The following ZNF366 variants were observed in gnomAD, a reference collection of about 807,000 sequenced individuals.
The protein encoded by ZNF366 is dendritic cell-specific transcript protein.
In ZNF366, 20 loss-of-function variants were observed where a neutral mutation model predicts 47.2. The observed-to-expected ratio is 0.42, with a 90% CI of 0.30 to 0.62. The LOEUF (loss-of-function observed/expected upper bound fraction) is 0.62. Among genes scored for constraint, ZNF366 ranks in the 20% least tolerant of loss-of-function variants. The pLI is 0.16. For synonymous variants in ZNF366, 421 were observed against 395.1 expected, an observed-to-expected ratio of 1.07 and a Z score of -0.78; for missense variants, 987 against 976.3, an observed-to-expected ratio of 1.01 and a Z score of -0.15.
intron 1 of ZNF366, among the ~76,000 whole-genome samples, chr5:72,468,383 C>A (rs1743477162): frequency 6.6e-6 from 1 of 152,136 alleles, no homozygotes; most frequent in Admixed American, 6.5e-5. Context: ...AATCTGTCAG[C>A]CCATGATGTG....
chr5:72,483,602 C>T (rs1252777326), intron 1 of ZNF366, among the ~76,000 whole-genome samples: 1 of 152,196 alleles, frequency 6.6e-6, no homozygotes, highest in Admixed American at 6.5e-5. Context: ...AGTGATATAT[C>T]GCCATGCTCC....
At chr5:72,479,925 T>G (rs2112343012) in intron 1 of ZNF366, among the ~76,000 whole-genome samples, 1 of 152,310 alleles carries the variant, frequency 6.6e-6, no homozygotes, top group Non-Finnish European at 1.5e-5. Context: ...AACCAAGACT[T>G]CAGCCTGAGA....
rs1392665869 is a variant in ZNF366 at position 72,439,992 on chromosome 5, C to G, written c.*3764G>C. The G allele has an allele frequency of 6.6e-6, 1 of 152,188 alleles. No homozygotes were observed. 9.4% of individuals were successfully genotyped at this position (152,188 alleles called of 1,614,324 possible). ...ACTGCTTTTTCAGTGAAGCAGAAAG[C>G]AATATTCACAACTTGGGCTGCTATA... On this transcript the variant is annotated 3_prime_UTR_variant, in exon 5 of 5. Coordinates refer to ENST00000318442, the MANE Select transcript of ZNF366 (RefSeq NM_152625.3).
At chr5:72,464,821 G>A (rs1258641211) in intron 1 of ZNF366, among the ~76,000 whole-genome samples, 1 of 152,200 alleles carries the variant, frequency 6.6e-6, no homozygotes, top group East Asian at 1.9e-4. Flanking sequence ...AGCAATTTGG[G>A]AGGCTGAGGC....
intron 2 of ZNF366, 77 bp downstream of exon 2, chr5:72,460,088 C>T: frequency 1.3e-6 from 2 of 1,535,732 alleles, no homozygotes; most frequent in Non-Finnish European, 1.8e-6. Context: ...CACAGGCGTC[C>T]TGCTCCCCAG....
At chr5:72,503,421 C>A (rs1030646990) in intron 1 of ZNF366, among the ~76,000 whole-genome samples, 1 of 152,080 alleles carries the variant, frequency 6.6e-6, no homozygotes, top group Admixed American at 6.6e-5. Flanking sequence ...AAGACACTGA[C>A]CATCTGTTTT....
intron 1 of ZNF366, among the ~76,000 whole-genome samples, chr5:72,492,221 C>G (rs1744026569): frequency 6.6e-6 from 1 of 152,162 alleles, no homozygotes; most frequent in Non-Finnish European, 1.5e-5. Context: ...ATATAGGTGA[C>G]AGGGAAGCGT....
chr5:72,460,625 T>C lies in ZNF366; in HGVS notation c.872A>G (p.Lys291Arg). The C allele has an allele frequency of 6.2e-7, 1 of 1,614,162 alleles. No homozygotes were observed. Among genetic ancestry groups the C allele is most frequent in the Non-Finnish European group, 8.5e-7 (1 of 1,180,036 alleles). ...HACTHCGKLF[K>R]QLSHLHTHML... Reference sequence around the variant, plus strand: ...GTGGGTATGCAGGTGGCTGAGCTGCTTGAAGAGCTTCCCGCAGTGCGTGCA... The same window carrying C: ...GTGGGTATGCAGGTGGCTGAGCTGCCTGAAGAGCTTCCCGCAGTGCGTGCA... The change falls in exon 2 of 5, where the codon AAG (lysine) becomes AGG (arginine). Residue 291 changes from lysine to arginine, a missense_variant. Lys to Arg is a conservative substitution (Grantham distance 26). This residue lies in a region of ZNF366 where 591 missense variants were observed against 560.9 expected (regional missense o/e 1.05). Coordinates refer to ENST00000318442, the MANE Select transcript of ZNF366 (RefSeq NM_152625.3).
intron 4 of ZNF366, among the ~76,000 whole-genome samples, chr5:72,446,403 G>A (rs936956660): frequency 3.3e-5 from 5 of 152,194 alleles, no homozygotes; most frequent in East Asian, 1.9e-4. Flanking sequence ...AGTATCTGCC[G>A]CTGCGTGTAG....
At chr5:72,481,197 T>C (rs529407060) in intron 1 of ZNF366, among the ~76,000 whole-genome samples, 1 of 152,318 alleles carries the variant, frequency 6.6e-6, no homozygotes, top group Non-Finnish European at 1.5e-5. Context: ...TGATCAGATA[T>C]ATTAAAAGAC....
At chr5:72,483,913 C>G (rs578123046) in intron 1 of ZNF366, among the ~76,000 whole-genome samples, 2 of 152,084 alleles carry the variant, frequency 1.3e-5, no homozygotes, top group African/African-American at 4.8e-5. Flanking sequence ...CTAAGAAAGT[C>G]TGAAGATCTA....
In ZNF366 at chr5:72,468,773, C is replaced by T. The variant is rs575271995; in HGVS notation, c.-14-7263G>A. ...TGAATATAATTATTTGAGCTTGGAA[C>T]AGCTGCTAGTGTGTTGGGGTTATCT... On this transcript the variant is annotated intron_variant, in intron 1 of 4. Transcript: ENST00000318442. Among the ~76,000 whole-genome samples the T allele has an allele frequency of 1.2e-4, 18 of 152,258 alleles. No homozygotes were observed. The South Asian group carries it at 3.7e-3, about 32-fold the overall frequency.
rs905672741 is a variant in ZNF366, at chr5:72,441,099, C to T, written c.*2657G>A. On this transcript the variant is annotated 3_prime_UTR_variant, in exon 5 of 5. Transcript: ENST00000318442. ...AAAGATGACCTCTGGCTTCTCAAAA[C>T]ACAATCTGAAAACCACCATTCTAGA... The T allele has an allele frequency of 6.6e-6, 1 of 152,186 alleles. No individual in the cohort carries two copies. Among genetic ancestry groups the T allele is most frequent in the Admixed American group, 6.5e-5 (1 of 15,270 alleles). The allele number at this position is 152,186 out of a possible 1,614,324, so 9.4% of individuals were successfully genotyped here.
intron 1 of ZNF366, among the ~76,000 whole-genome samples, chr5:72,476,489 G>A (rs2112340407): frequency 6.6e-6 from 1 of 152,274 alleles, no homozygotes. Context: ...CATGGCAGCA[G>A]AGACATTCTG....
chr5:72,450,940 A>C (rs9293307), intron 3 of ZNF366, among the ~76,000 whole-genome samples: 124,234 of 152,172 alleles, frequency 0.82, 51,222 homozygotes, highest in East Asian at 0.96. Flanking sequence ...GTGAGCCCCA[A>C]GCAGAATTGT....
rs374173373 is a variant in ZNF366 at position 72,443,713 on chromosome 5, T to G, written c.*43A>C. The G allele has an allele frequency of 1.7e-5, 27 of 1,565,690 alleles. No individual in the cohort carries two copies. Among genetic ancestry groups the G allele is most frequent in the Non-Finnish European group, 2.3e-5 (27 of 1,156,682 alleles). Reference sequence around the variant, plus strand: ...TTCATGCAGAAAGCTATATTTGAACTGCCTCCTTCTCATTTTCCAAATGTA... The same window carrying G: ...TTCATGCAGAAAGCTATATTTGAACGGCCTCCTTCTCATTTTCCAAATGTA... On this transcript the variant is annotated 3_prime_UTR_variant, in exon 5 of 5. Transcript: ENST00000318442.
At chr5:72,467,930 G>A (rs1370542695) in intron 1 of ZNF366, among the ~76,000 whole-genome samples, 1 of 152,124 alleles carries the variant, frequency 6.6e-6, no homozygotes, top group East Asian at 1.9e-4. Context: ...AAGGGTAGGG[G>A]GTGGGGAGGA....
chr5:72,469,608 A>G (rs569448974), intron 1 of ZNF366, among the ~76,000 whole-genome samples: 1 of 152,298 alleles, frequency 6.6e-6, no homozygotes, highest in Non-Finnish European at 1.5e-5. Context: ...AGATACCAGC[A>G]TTTTTGTGTG....
At position 72,440,062 on chromosome 5, in the gene ZNF366, A is replaced by G. The variant is rs1036948666; in HGVS notation, c.*3694T>C. The stretch of plus-strand genomic sequence containing the variant: ...TAAATAGCAAGCCAGAGTTCTGTAC[A>G]AAATCAACATTTGGTGTAATGTTGT... On this transcript the variant is annotated 3_prime_UTR_variant, in exon 5 of 5. Coordinates refer to ENST00000318442, the MANE Select transcript of ZNF366 (RefSeq NM_152625.3). 1 of 152,244 alleles carries G rather than the reference A, an allele frequency of 6.6e-6. No individual in the cohort carries two copies. Among genetic ancestry groups the G allele is most frequent in the African/African-American group, 2.4e-5 (1 of 41,468 alleles). 9.4% of individuals were successfully genotyped at this position (152,244 alleles called of 1,614,324 possible).
Sources: gnomAD v4.1 joint callset for allele counts (sites outside exome capture counted in the v4.1 genomes callset) on GRCh38, gnomAD v4.1.1 for gene constraint, gnomAD v4.1.1 regional missense constraint, MANE v1.5 for transcripts, NCBI Gene and HGNC (gene_info 2026-07-23, HGNC 2026-07-21) for gene names.